The following CHAF1A variants were observed in gnomAD, a reference collection of about 807,000 sequenced individuals.
CHAF1A encodes the protein chromatin assembly factor 1 subunit A.
In CHAF1A, 5 loss-of-function variants were observed where a neutral mutation model predicts 93.2. The observed-to-expected ratio is 0.05, with a 90% CI of 0.03 to 0.11. The LOEUF (loss-of-function observed/expected upper bound fraction) is 0.11, where lower values mean the gene tolerates loss of function less well. Among genes scored for constraint, CHAF1A ranks in the 10% least tolerant of loss-of-function variants. The pLI is 1.00. For missense variants in CHAF1A, 1,102 were observed against 1,259.9 expected, an observed-to-expected ratio of 0.87 and a Z score of 1.90; for synonymous variants, 504 against 510.3, an observed-to-expected ratio of 0.99 and a Z score of 0.17.
At chr19:4,420,270 T>C (rs1205845109) in intron 4 of CHAF1A, among the ~76,000 whole-genome samples, 1 of 151,478 alleles carries the variant, frequency 6.6e-6, no homozygotes, top group Non-Finnish European at 1.5e-5. Context: ...TTTGAGACAG[T>C]CTCGCTCTGT....
chr19:4,443,614 C>A (rs1361535332), downstream of CHAF1A, among the ~76,000 whole-genome samples: 3 of 152,156 alleles, frequency 2.0e-5, no homozygotes, highest in African/African-American at 7.2e-5. Flanking sequence ...TCCCTCCTGC[C>A]CTGGGTTGGG....
rs753582271 is a variant in CHAF1A, at chr19:4,428,734, G to A, written c.1448G>A (p.Arg483His). The change falls in exon 8 of 15, where the codon CGT (arginine) becomes CAT (histidine). Residue 483 changes from arginine to histidine, a missense_variant. Physicochemically the swap from Arg to His is conservative, Grantham distance 29. This residue lies in a region of CHAF1A where 165 missense variants were observed against 243.9 expected (regional missense o/e 0.68). Coordinates refer to ENST00000301280, the MANE Select transcript of CHAF1A (RefSeq NM_005483.3). ...GAGCACATGGTCCTGGCCCCTCGGCGTCGGACCGCTTTCCATCCAGACCTC... is the reference window on the plus strand; with the variant it reads ...GAGCACATGGTCCTGGCCCCTCGGCATCGGACCGCTTTCCATCCAGACCTC... Reference protein sequence around the residue: ...IKEHMVLAPRRRTAFHPDLCS... With the variant: ...IKEHMVLAPRHRTAFHPDLCS... 19 of 1,614,026 alleles carry A rather than the reference G, an allele frequency of 1.2e-5. No individual in the cohort carries two copies. The East Asian group carries it at 3.6e-4, about 30-fold the overall frequency.
intron 11 of CHAF1A, 59 bp from the exon 12 acceptor site, chr19:4,431,893 A>G: frequency 6.5e-7 from 1 of 1,539,694 alleles, no homozygotes; most frequent in Non-Finnish European, 8.8e-7. Flanking sequence ...TCCTCAAAAG[A>G]GTGCCCGGGC....
At chr19:4,424,716 C>G (rs1055491743) in intron 7 of CHAF1A, among the ~76,000 whole-genome samples, 1 of 152,206 alleles carries the variant, frequency 6.6e-6, no homozygotes, top group African/African-American at 2.4e-5. Flanking sequence ...CTCACTGCAA[C>G]GTCCACCTCC....
rs1364269519 is a variant in CHAF1A, at chr19:4,429,733, G to C, written c.1799G>C (p.Ser600Thr). The C allele has an allele frequency of 1.9e-6, 3 of 1,614,034 alleles. No homozygotes were observed. Residue 600 changes from serine (S) to threonine (T), a missense_variant, in exon 10 of 15, where the codon AGT becomes ACT. Transcript: ENST00000301280. ...DTKLLDYEVD[S>T]DEEWEEEEPG... ...AAGCTCCTGGACTATGAGGTGGACA[G>C]TGATGAGGAGTGGGAAGAAGAGGAG...
rs577662357 is a variant in CHAF1A at position 4,412,438 on chromosome 19, G to A, written c.960+2679G>A. On this transcript the variant is annotated intron_variant, in intron 3 of 14. Coordinates refer to ENST00000301280, the MANE Select transcript of CHAF1A (RefSeq NM_005483.3). ...GCTTGCCTGTAATCCCAGCTACGCC[G>A]GAGGCTGAGGCGGGAGAACCGCTTG... is the stretch of plus-strand genomic sequence containing the variant. Among the ~76,000 whole-genome samples the A allele has an allele frequency of 1.3e-3, 205 of 152,298 alleles. 1 individual carries two copies. Among genetic ancestry groups the A allele is most frequent in the African/African-American group, 4.5e-3 (187 of 41,574 alleles).
At chr19:4,421,159 C>T (rs1033796584) in intron 4 of CHAF1A, among the ~76,000 whole-genome samples, 1 of 152,156 alleles carries the variant, frequency 6.6e-6, no homozygotes, top group African/African-American at 2.4e-5. Context: ...TCTTGAACTG[C>T]CTTGTGGGTT....
intron 4 of CHAF1A, among the ~76,000 whole-genome samples, chr19:4,418,409 CTTTTTTTTTTTT>C (rs10549561): frequency 9.1e-4 from 97 of 107,048 alleles, no homozygotes; most frequent in South Asian, 1.6e-3. Flanking sequence ...AGTCCTGTCT[CTTTTTTTTTTTT>C]TTTTTTTTTT....
downstream of CHAF1A, chr19:4,447,582 G>A (rs771897085): frequency 2.2e-5 from 36 of 1,613,796 alleles, no homozygotes; most frequent in East Asian, 1.6e-4. Flanking sequence ...TTGATCTTCC[G>A]GTACTTCTCC....
At position 4,433,895 on chromosome 19, in the gene CHAF1A, T is replaced by C. The variant is rs565472123; in HGVS notation, c.2673+356T>C. 1.6e-3 allele frequency among the ~76,000 whole-genome samples: 244 copies of C among 152,120 alleles called. No homozygotes were observed. The highest frequency in any genetic ancestry group is 5.7e-3 in the African/African-American group (237 of 41,518). On this transcript the variant is annotated intron_variant, in intron 13 of 14. Coordinates refer to ENST00000301280, the MANE Select transcript of CHAF1A (RefSeq NM_005483.3). This position sits in a 1 kb window ranked among gnomAD's most constrained non-coding sequence, Gnocchi z 5.6. ...GATTACAGGCGTGAGCCACCTCGCC[T>C]GGTGTTTTTGTGTTTTTTAAATAAC...
rs753902354 is a variant in CHAF1A at position 4,443,036 on chromosome 19, G to C, written c.*11G>C. ...CTGGGTGCATCCTGAGAGCAGGGGTGACGTATGTAGAATGCTTAGGGTGTC... is the reference window on the plus strand; with the variant it reads ...CTGGGTGCATCCTGAGAGCAGGGGTCACGTATGTAGAATGCTTAGGGTGTC... On this transcript the variant is annotated 3_prime_UTR_variant, in exon 15 of 15. Coordinates refer to ENST00000301280, the MANE Select transcript of CHAF1A (RefSeq NM_005483.3). The C allele has an allele frequency of 1.2e-5, 19 of 1,525,934 alleles. No individual in the cohort carries two copies. Among genetic ancestry groups the C allele is most frequent in the Non-Finnish European group, 1.7e-5 (19 of 1,115,498 alleles). 94.5% of individuals were successfully genotyped at this position (1,525,934 alleles called of 1,614,324 possible). A position where few individuals can be genotyped will look rare whatever the true frequency, so the allele number is the denominator to read the frequency against.
intron 7 of CHAF1A, among the ~76,000 whole-genome samples, chr19:4,424,741 T>A (rs1425487031): frequency 6.6e-6 from 1 of 152,208 alleles, no homozygotes; most frequent in Non-Finnish European, 1.5e-5. Context: ...TTCCAGTGAT[T>A]CTTCTGTGTC....
At chr19:4,415,989 T>C (rs1159211880) in intron 3 of CHAF1A, among the ~76,000 whole-genome samples, 2 of 151,992 alleles carry the variant, frequency 1.3e-5, no homozygotes, top group African/African-American at 2.4e-5. Flanking sequence ...CTGGCTAACA[T>C]GGTGAAACCC....
At chr19:4,423,765 C>A in intron 6 of CHAF1A, 41 bp from the exon 7 acceptor site, 1 of 1,591,626 alleles carries the variant, frequency 6.3e-7, no homozygotes, top group Non-Finnish European at 8.6e-7. Flanking sequence ...TACTGTTCCT[C>A]TTCCTCTCCT....
intron 11 of CHAF1A, 132 bp downstream of exon 11, chr19:4,430,773 G>A (rs1190214272): frequency 9.0e-6 from 8 of 884,598 alleles, no homozygotes; most frequent in East Asian, 2.7e-5. Context: ...TTCCAAGCAC[G>A]CAAGCTCACT....
At chr19:4,402,863 T>A (rs955738237) in intron 1 of CHAF1A, 49 bp downstream of exon 1, 2 of 1,127,858 alleles carry the variant, frequency 1.8e-6, no homozygotes, top group African/African-American at 1.6e-5. Flanking sequence ...GCGCGCGGCC[T>A]GGACGGGCCG....
At chr19:4,445,743 G>A (rs1417272230), downstream of CHAF1A, 13 of 1,492,000 alleles carry the variant, frequency 8.7e-6, no homozygotes, top group Non-Finnish European at 1.2e-5. Flanking sequence ...AGCTGGTGGA[G>A]GCTGTGGCTC....
At chr19:4,448,581 G>T, downstream of CHAF1A, 1 of 637,656 alleles carries the variant, frequency 1.6e-6, no homozygotes, top group Non-Finnish European at 2.8e-6. Flanking sequence ...CAAGACCGCA[G>T]CCCTGCCCAC....
At chr19:4,446,455 TCCACC>T, downstream of CHAF1A, 1 of 1,582,334 alleles carries the variant, frequency 6.3e-7, no homozygotes, top group Non-Finnish European at 8.6e-7. Context: ...CCGGGGTTCT[TCCACC>T]CCGCCCCGCC....
Sources: allele counts gnomAD v4.1 joint callset (sites outside exome capture counted in the v4.1 genomes callset), GRCh38; gene constraint gnomAD v4.1.1; regional missense constraint gnomAD v4.1.1; non-coding constraint Gnocchi (gnomAD v3.1); transcripts MANE v1.5; gene names NCBI Gene and HGNC (gene_info 2026-07-23, HGNC 2026-07-21).